TRHDE: variants seen among roughly 807,000 people sequenced by gnomAD.
TRHDE encodes thyrotropin releasing hormone degrading enzyme, also known as thyrotropin-releasing hormone-degrading ectoenzyme.
TRHDE carries 72 observed loss-of-function variants against 125.7 expected under a neutral mutation model. That is an observed-to-expected ratio of 0.57 (90% CI 0.47 to 0.70). The LOEUF (loss-of-function observed/expected upper bound fraction) is 0.70, where lower values mean the gene tolerates loss of function less well. Ranked by LOEUF, TRHDE falls within the 30% of genes least tolerant of loss-of-function variation. TRHDE has a pLI of 0.00. For missense variants in TRHDE, 1,110 were observed against 1,327.1 expected, an observed-to-expected ratio of 0.84 and a Z score of 2.54; for synonymous variants, 509 against 509.1, an observed-to-expected ratio of 1.00 and a Z score of 0.00.
At chr12:72,317,644 A>C (rs964314212) in intron 2 of TRHDE, among the ~76,000 whole-genome samples, 1 of 152,170 alleles carries the variant, frequency 6.6e-6, no homozygotes, top group Non-Finnish European at 1.5e-5. Context: ...TTAATATTGC[A>C]TTGGAGATAT....
chr12:72,328,629 T>C (rs1331395405), intron 2 of TRHDE, among the ~76,000 whole-genome samples: 1 of 152,134 alleles, frequency 6.6e-6, no homozygotes, highest in Non-Finnish European at 1.5e-5. Context: ...TATTATATTT[T>C]AGAGATAAAC....
At chr12:72,490,113 A>C (rs1308075054) in intron 5 of TRHDE, among the ~76,000 whole-genome samples, 2 of 151,868 alleles carry the variant, frequency 1.3e-5, no homozygotes, top group African/African-American at 2.4e-5. Flanking sequence ...TGATGTCCAA[A>C]AGATATAAAG....
At chr12:72,245,842 T>G (rs562780781) in intron 2 of TRHDE, among the ~76,000 whole-genome samples, 126 of 152,216 alleles carry the variant, frequency 8.3e-4, no homozygotes, top group Non-Finnish European at 1.6e-3. Context: ...ATTTAAAAAT[T>G]TTTCAATATA....
chr12:72,330,036 C>T (rs1869514579), intron 2 of TRHDE, among the ~76,000 whole-genome samples: 1 of 152,144 alleles, frequency 6.6e-6, no homozygotes, highest in Non-Finnish European at 1.5e-5. Flanking sequence ...GTGCCCATTT[C>T]CCTCCTCATG....
intron 2 of TRHDE, among the ~76,000 whole-genome samples, chr12:72,151,047 A>G (rs1054775732): frequency 6.6e-6 from 1 of 152,018 alleles, no homozygotes; most frequent in African/African-American, 2.4e-5. Flanking sequence ...TCTCCACATC[A>G]TCTCCAGCAC....
chr12:72,279,401 T>C (rs1044863596), intron 1 of TRHDE, among the ~76,000 whole-genome samples: 19 of 152,068 alleles, frequency 1.2e-4, no homozygotes, highest in African/African-American at 3.6e-4. Context: ...ATCATCACCA[T>C]CATCATCATC....
intron 3 of TRHDE, among the ~76,000 whole-genome samples, chr12:72,411,653 A>G (rs1050801455): frequency 7.9e-5 from 12 of 152,146 alleles, no homozygotes; most frequent in Non-Finnish European, 1.5e-4. Context: ...TTCAAAAGGT[A>G]TATGGGAACT....
At chr12:72,306,669 T>G (rs1403916808) in intron 2 of TRHDE, 1 of 152,178 alleles carries the variant, frequency 6.6e-6, no homozygotes, top group Non-Finnish European at 1.5e-5. Flanking sequence ...CAGGGACTGT[T>G]CTAGGCACTG....
At chr12:72,470,593 T>C (rs1362245217) in intron 4 of TRHDE, among the ~76,000 whole-genome samples, 1 of 152,136 alleles carries the variant, frequency 6.6e-6, no homozygotes, top group East Asian at 1.9e-4. Flanking sequence ...TCACTGAAAA[T>C]AGACGTCCAT....
intron 15 of TRHDE, among the ~76,000 whole-genome samples, chr12:72,645,671 A>G (rs1874251354): frequency 6.6e-6 from 1 of 152,152 alleles, no homozygotes; most frequent in East Asian, 1.9e-4. Flanking sequence ...AAGACACATT[A>G]TAATTAAATT....
intron 6 of TRHDE, among the ~76,000 whole-genome samples, chr12:72,516,613 T>C (rs1432256440): frequency 5.3e-5 from 8 of 152,142 alleles, no homozygotes; most frequent in African/African-American, 1.9e-4. Flanking sequence ...GACTTCCTCT[T>C]TTCCTAATTG....
At chr12:72,301,436 G>C (rs1296604647) in intron 2 of TRHDE, among the ~76,000 whole-genome samples, 1 of 152,146 alleles carries the variant, frequency 6.6e-6, no homozygotes, top group Non-Finnish European at 1.5e-5. Context: ...AACAGTGAGA[G>C]AGTAAAATAG....
chr12:72,191,694 C>T (rs1018985486), intron 2 of TRHDE, among the ~76,000 whole-genome samples: 1 of 151,886 alleles, frequency 6.6e-6, no homozygotes, highest in Non-Finnish European at 1.5e-5. Flanking sequence ...AGATATTAGT[C>T]CTTTGAGAGT....
At chr12:72,509,887 A>AG (rs913467923) in intron 6 of TRHDE, among the ~76,000 whole-genome samples, 1 of 152,238 alleles carries the variant, frequency 6.6e-6, no homozygotes, top group African/African-American at 2.4e-5. Flanking sequence ...GGTGTTTCAG[A>AG]GGGAAAGATC....
intron 2 of TRHDE, among the ~76,000 whole-genome samples, chr12:72,340,261 T>C (rs1027708315): frequency 6.6e-6 from 1 of 152,152 alleles, no homozygotes; most frequent in Non-Finnish European, 1.5e-5. Flanking sequence ...ATAAACACAA[T>C]CCAACTACCC....
chr12:72,147,279 A>C (rs774919872), intron 2 of TRHDE, among the ~76,000 whole-genome samples: 1 of 152,096 alleles, frequency 6.6e-6, no homozygotes, highest in Non-Finnish European at 1.5e-5. Flanking sequence ...TGTCCCTATC[A>C]TTACCTGATT....
intron 2 of TRHDE, among the ~76,000 whole-genome samples, chr12:72,185,347 T>C (rs1308565080): frequency 6.6e-6 from 1 of 152,202 alleles, no homozygotes; most frequent in Non-Finnish European, 1.5e-5. Context: ...TGGGCTCCTG[T>C]GCCGCCCTAG....
Position 72,414,457 on chromosome 12 carries a change from A to C in TRHDE, c.1315+36336A>C, listed in dbSNP as rs111607763. Among the ~76,000 whole-genome samples, 412 of 152,284 alleles carry C rather than the reference A, an allele frequency of 2.7e-3. 2 individuals are homozygous for C. The highest frequency in any genetic ancestry group is 9.6e-3 in the African/African-American group (401 of 41,588). On this transcript the variant is annotated intron_variant, in intron 3 of 18. Transcript: ENST00000261180. Reference sequence around the variant, plus strand: ...AAAAATAAAGAAAGAAGGATTAAAAAGACATTCATAGATTTTAGTTTTAAA... The same window carrying C: ...AAAAATAAAGAAAGAAGGATTAAAACGACATTCATAGATTTTAGTTTTAAA...
chr12:72,270,873 A>G (rs1879182627), upstream of TRHDE, among the ~76,000 whole-genome samples: 1 of 152,248 alleles, frequency 6.6e-6, no homozygotes, highest in South Asian at 2.1e-4. Flanking sequence ...TAACCAGCCA[A>G]TGGGCTATGA....
Sources: allele counts gnomAD v4.1 joint callset (sites outside exome capture counted in the v4.1 genomes callset), GRCh38; gene constraint gnomAD v4.1.1; transcripts MANE v1.5; gene names NCBI Gene and HGNC (gene_info 2026-07-23, HGNC 2026-07-21).